Variants in PTPRE observed in about 807,000 individuals in gnomAD.
The protein encoded by PTPRE is receptor-type tyrosine-protein phosphatase epsilon.
Under a neutral mutation model 102.0 loss-of-function variants are expected in PTPRE, and 51 were observed. The observed-to-expected ratio is 0.50, with a 90% confidence interval of 0.40 to 0.63. PTPRE has a LOEUF of 0.63. Among genes scored for constraint, PTPRE ranks in the 30% least tolerant of loss-of-function variants. The pLI is 0.00. For synonymous variants in PTPRE, 345 were observed against 348.2 expected (o/e 0.99, Z 0.10); for missense variants, 752 against 915.1 (o/e 0.82, Z 2.30).
chr10:127,959,581 T>G (rs1250128812), intron 1 of PTPRE, among the ~76,000 whole-genome samples: 1 of 152,206 alleles, frequency 6.6e-6, no homozygotes, highest in Non-Finnish European at 1.5e-5. Context: ...GCAAAGAAAG[T>G]GATTGCCAGG....
At chr10:127,982,452 A>C (rs1465851051) in intron 2 of PTPRE, among the ~76,000 whole-genome samples, 156 bp downstream of exon 2, 1 of 151,396 alleles carries the variant, frequency 6.6e-6, no homozygotes, top group Non-Finnish European at 1.5e-5. Context: ...ACCTTGCTTG[A>C]GCAGGCTCAT....
In PTPRE at chr10:127,912,687, G is replaced by C. The variant is rs918561512; in HGVS notation, c.-31+5378G>C. ...ACACTACATTTGATCCAATGGAAGG[G>C]CTAGCATGGGAACAATAGCATTTGG... On this transcript the variant is annotated intron_variant, in intron 1 of 20. Transcript: ENST00000254667. Among the ~76,000 whole-genome samples, 6 of 152,350 alleles carry C rather than the reference G, an allele frequency of 3.9e-5. No homozygotes were observed. In the South Asian group the frequency reaches 1.0e-3, roughly 26 times the overall value.
At position 128,068,208 on chromosome 10, in the gene PTPRE, C is replaced by G. The variant is rs566201147; in HGVS notation, c.929C>G (p.Pro310Arg). The change falls in exon 12 of 21, where the codon CCC becomes CGC. Residue 310 changes from proline (P) to arginine (R), a missense_variant. Pro to Arg is a moderately radical substitution (Grantham distance 103). Transcript: ENST00000254667. ...CCCGACTTCGGAGTGCCTTTTACCCCCATTGGGATGCTGAAGTTCCTCAAG... is the reference window on the plus strand; with the variant it reads ...CCCGACTTCGGAGTGCCTTTTACCCGCATTGGGATGCTGAAGTTCCTCAAG... The part of the protein sequence containing the change: ...SWPDFGVPFT[P>R]IGMLKFLKKV... The G allele has an allele frequency of 6.2e-7, 1 of 1,614,170 alleles. No homozygotes were observed. The highest frequency in any genetic ancestry group is 8.5e-7 in the Non-Finnish European group (1 of 1,180,000).
chr10:127,982,465 C>T (rs572981786), intron 2 of PTPRE, among the ~76,000 whole-genome samples, 169 bp downstream of exon 2: 3 of 151,144 alleles, frequency 2.0e-5, no homozygotes, highest in African/African-American at 7.3e-5. Context: ...AGGCTCATAT[C>T]ACACCTTTTT....
rs1845603678 is a variant in PTPRE at position 127,907,937 on chromosome 10, C to A, written c.-31+628C>A. Among the ~76,000 whole-genome samples the A allele has an allele frequency of 6.6e-6, 1 of 152,156 alleles. No homozygotes were observed. Among genetic ancestry groups the A allele is most frequent in the South Asian group, 2.1e-4 (1 of 4,834 alleles). ...GGACTGCCGCGATTTGCAGGGTCGA[C>A]GACCTCACAGGGCTCCTGAGCACAG... On this transcript the variant is annotated intron_variant, in intron 1 of 20. Transcript: ENST00000254667. The surrounding 1 kb of genome is among the most constrained non-coding windows in gnomAD (Gnocchi z 4.8).
intron 2 of PTPRE, among the ~76,000 whole-genome samples, chr10:128,000,262 A>C (rs1853734834): frequency 6.6e-6 from 1 of 152,224 alleles, no homozygotes; most frequent in Non-Finnish European, 1.5e-5. Context: ...ACGTATAAGT[A>C]ATCCCTCTTT....
rs147687735 is a variant in PTPRE at position 127,994,124 on chromosome 10, G to A, written c.-8+11828G>A. Reference sequence around the variant, plus strand: ...AGAGCATTAAACCCCAAGCATGAGGGGCTCTCTTCTGAGTGAGGGCCTGAG... The same window carrying A: ...AGAGCATTAAACCCCAAGCATGAGGAGCTCTCTTCTGAGTGAGGGCCTGAG... On this transcript the variant is annotated intron_variant, in intron 2 of 20. Transcript: ENST00000254667. Among the ~76,000 whole-genome samples, 852 of 152,276 alleles carry A rather than the reference G, an allele frequency of 5.6e-3. 4 individuals carry two copies. Among genetic ancestry groups the A allele is most frequent in the Non-Finnish European group, 8.3e-3 (563 of 68,030 alleles).
At chr10:128,018,882 A>T (rs1352786579) in intron 2 of PTPRE, among the ~76,000 whole-genome samples, 1 of 151,962 alleles carries the variant, frequency 6.6e-6, no homozygotes, top group African/African-American at 2.4e-5. Context: ...TCACACACAC[A>T]CACACACTCA....
chr10:128,020,058 G>A (rs900343194), intron 2 of PTPRE, among the ~76,000 whole-genome samples: 3 of 18,834 alleles, frequency 1.6e-4, no homozygotes, highest in South Asian at 1.3e-3. Flanking sequence ...ACGCGCGCAC[G>A]TGTGTGTGTG....
At chr10:128,005,796 G>A (rs578169670) in intron 2 of PTPRE, among the ~76,000 whole-genome samples, 17 of 152,234 alleles carry the variant, frequency 1.1e-4, no homozygotes, top group African/African-American at 3.4e-4. Context: ...CCGCAGTTCC[G>A]GAGGCTGCAA....
At chr10:127,946,388 T>TTGCACCTGTGC (rs1554896648) in intron 1 of PTPRE, among the ~76,000 whole-genome samples, 1 of 148,784 alleles carries the variant, frequency 6.7e-6, no homozygotes. Flanking sequence ...AGTAAGGATA[T>TTGCACCTGTGC]ATATACAAGG....
intron 2 of PTPRE, among the ~76,000 whole-genome samples, chr10:128,018,566 C>G (rs558030141): frequency 6.6e-6 from 1 of 152,182 alleles, no homozygotes; most frequent in Non-Finnish European, 1.5e-5. Flanking sequence ...CCGAGGCCCT[C>G]GCCAACAGCT....
At chr10:127,974,624 T>C (rs1269784604) in intron 1 of PTPRE, among the ~76,000 whole-genome samples, 2 of 152,218 alleles carry the variant, frequency 1.3e-5, no homozygotes, top group Admixed American at 6.5e-5. Context: ...TTTTTTTTAA[T>C]CTCTAAATCC....
chr10:128,072,308 T>C, intron 16 of PTPRE, 94 bp downstream of exon 16: 1 of 1,157,386 alleles, frequency 8.6e-7, no homozygotes, highest in Non-Finnish European at 1.2e-6. Context: ...TGAGAAAGAA[T>C]TGACATGTTT....
intron 2 of PTPRE, among the ~76,000 whole-genome samples, chr10:128,027,741 A>G (rs749920716): frequency 6.6e-6 from 1 of 152,216 alleles, no homozygotes; most frequent in Non-Finnish European, 1.5e-5. Flanking sequence ...CCGAAAAAGC[A>G]GGCTGAGCTC....
At chr10:128,054,762 G>A (rs1033127129) in intron 6 of PTPRE, among the ~76,000 whole-genome samples, 2 of 152,052 alleles carry the variant, frequency 1.3e-5, no homozygotes, top group African/African-American at 2.4e-5. Context: ...AGGAAGACTC[G>A]GGACACCTGT....
chr10:128,079,480 C>T (rs1564978629), intron 19 of PTPRE, 80 bp from the exon 20 acceptor site: 12 of 1,531,534 alleles, frequency 7.8e-6, no homozygotes, highest in Middle Eastern at 2.3e-4. Flanking sequence ...TGCTGATATG[C>T]AGGGGTTGGC....
At chr10:127,992,282 G>A (rs779993925) in intron 2 of PTPRE, among the ~76,000 whole-genome samples, 3 of 152,148 alleles carry the variant, frequency 2.0e-5, no homozygotes, top group Non-Finnish European at 4.4e-5. Flanking sequence ...AAGCAACCAC[G>A]TGGGGGTCAG....
intron 1 of PTPRE, among the ~76,000 whole-genome samples, chr10:127,957,698 T>G (rs1470909755): frequency 1.3e-5 from 2 of 152,252 alleles, no homozygotes; most frequent in South Asian, 4.1e-4. Context: ...TTTGCCTCTC[T>G]GTATAAACTT....
Sources: gnomAD v4.1 joint callset for allele counts (sites outside exome capture counted in the v4.1 genomes callset) on GRCh38, gnomAD v4.1.1 for gene constraint, Gnocchi (gnomAD v3.1) non-coding constraint, MANE v1.5 for transcripts, NCBI Gene and HGNC (gene_info 2026-07-23, HGNC 2026-07-21) for gene names.